Variants in PSTPIP1 observed in about 807,000 individuals in gnomAD.
PSTPIP1 encodes the protein proline-serine-threonine phosphatase-interacting protein 1.
In PSTPIP1, 66 loss-of-function variants were observed where a neutral mutation model predicts 69.6. That is an observed-to-expected ratio of 0.95 (90% CI 0.78 to 1.16). The LOEUF (loss-of-function observed/expected upper bound fraction) is 1.16. PSTPIP1 is among the 50% of genes most tolerant of loss of function. The probability of loss-of-function intolerance (pLI) is 0.00; values close to 1 mark genes in which losing one functional copy is unlikely to be tolerated. For missense variants in PSTPIP1, 603 were observed against 557.4 expected (o/e 1.08, Z -0.82); for synonymous variants, 266 against 222.7 (o/e 1.19, Z -1.73).
intron 1 of PSTPIP1, among the ~76,000 whole-genome samples, chr15:77,014,716 CT>C (rs1323058219): frequency 1.3e-5 from 2 of 152,246 alleles, no homozygotes; most frequent in African/African-American, 4.8e-5. Flanking sequence ...GTGGAGGGCC[CT>C]GGCCGGCTCA....
intron 3 of PSTPIP1, among the ~76,000 whole-genome samples, chr15:77,024,781 C>G (rs551912798): frequency 6.6e-6 from 1 of 151,414 alleles, no homozygotes; most frequent in South Asian, 2.1e-4. Flanking sequence ...CCTCTCAACT[C>G]CTGCGCCCTG....
intron 1 of PSTPIP1, among the ~76,000 whole-genome samples, chr15:76,998,209 G>A (rs2075622095): frequency 6.6e-6 from 1 of 152,188 alleles, no homozygotes; most frequent in African/African-American, 2.4e-5. Flanking sequence ...CTGTACTCTA[G>A]CCTGGGTGAC....
chr15:77,021,373 C>T lies in PSTPIP1; in HGVS notation c.212+2842C>T, dbSNP rs74423591. 9.8e-5 allele frequency among the ~76,000 whole-genome samples: 15 copies of T among 152,322 alleles called. No individual in the cohort carries two copies. The East Asian group carries it at 2.9e-3, about 29-fold the overall frequency. On this transcript the variant is annotated intron_variant, in intron 3 of 14. Transcript: ENST00000558012. ...CCAGTCCCCAAACTCCAGGGATCCC[C>T]ACCAGCGCTTTCAGTGCATTTTAAA... is the stretch of plus-strand genomic sequence containing the variant.
intron 1 of PSTPIP1, among the ~76,000 whole-genome samples, chr15:77,011,207 A>G (rs771800739): frequency 6.6e-6 from 1 of 152,268 alleles, no homozygotes; most frequent in Non-Finnish European, 1.5e-5. Context: ...GACAGACAGT[A>G]GCTGCCTCGT....
rs376276381 is a variant in PSTPIP1 at position 77,037,197 on chromosome 15, C to G, written c.*21C>G. The stretch of plus-strand genomic sequence containing the variant: ...TTTGAGGAAGGGCCAGGAGCCCCTT[C>G]GGACCTGCCCTGCCAGTGGAGCCAG... On this transcript the variant is annotated 3_prime_UTR_variant, in exon 15 of 15. Transcript: ENST00000558012. 7 of 1,573,668 alleles carry G rather than the reference C, an allele frequency of 4.4e-6. No individual in the cohort carries two copies. In the African/African-American group the frequency reaches 5.4e-5, roughly 12 times the overall value.
intron 12 of PSTPIP1, among the ~76,000 whole-genome samples, chr15:77,033,359 C>T (rs889332877): frequency 6.6e-6 from 1 of 152,188 alleles, no homozygotes; most frequent in African/African-American, 2.4e-5. Flanking sequence ...GGCCTGGCTG[C>T]AGTCAAGTGC....
chr15:77,035,557 TC>T lies in PSTPIP1; in HGVS notation c.980del (p.Ser327LeufsTer8). On this transcript the variant is annotated frameshift_variant, in exon 13 of 15. Transcript: ENST00000558012. LOFTEE classifies it high-confidence loss of function. ...GSPKTTSLAA[S>X]AASTETLTPT... ...TCCCAAGACCACTTCGTTGGCAGCTTCTGCTGGTAAAGGGGGTCAGGAGGGG... is the reference window on the plus strand; with the variant it reads ...TCCCAAGACCACTTCGTTGGCAGCTTTGCTGGTAAAGGGGGTCAGGAGGGG... 1 of 1,583,006 alleles carries T rather than the reference TC, an allele frequency of 6.3e-7. No homozygotes were observed. The highest frequency in any genetic ancestry group is 2.3e-5 in the East Asian group (1 of 43,324).
intron 1 of PSTPIP1, among the ~76,000 whole-genome samples, chr15:77,007,529 A>C (rs1228200870): frequency 6.6e-6 from 1 of 151,486 alleles, no homozygotes; most frequent in Non-Finnish European, 1.5e-5. Context: ...GGATCACTTG[A>C]GCCCAGGAGG....
chr15:76,994,886 G>T, upstream of PSTPIP1: 8 of 1,287,578 alleles, frequency 6.2e-6, no homozygotes, highest in Non-Finnish European at 8.1e-6. Context: ...GCCTGGAAGG[G>T]TGCTGGACTG....
At chr15:77,019,043 G>A (rs1018949524) in intron 3 of PSTPIP1, among the ~76,000 whole-genome samples, 3 of 152,200 alleles carry the variant, frequency 2.0e-5, no homozygotes, top group African/African-American at 7.2e-5. Flanking sequence ...GGAAAGTAAC[G>A]CAGCCCTCCT....
At chr15:77,017,872 T>C (rs372585630) in intron 1 of PSTPIP1, among the ~76,000 whole-genome samples, 2 of 152,246 alleles carry the variant, frequency 1.3e-5, no homozygotes, top group African/African-American at 4.8e-5. Context: ...TGCTGATGTG[T>C]GTCCTGTCCT....
chr15:77,031,512 T>C (rs931461326), intron 10 of PSTPIP1: 105 of 428,410 alleles, frequency 2.5e-4, no homozygotes, highest in African/African-American at 4.1e-5. Context: ...GTGGTTCCCC[T>C]GACTTCCTCC....
In PSTPIP1 at chr15:77,031,047, C is replaced by G. The variant is rs1485547660; in HGVS notation, c.643-133C>G. 5.9e-6 allele frequency: 5 copies of G among 853,844 alleles called. No individual in the cohort carries two copies. In the African/African-American group the frequency reaches 8.4e-5, roughly 14 times the overall value. The allele number at this position is 853,844 out of a possible 1,614,324, so 52.9% of individuals were successfully genotyped here. On this transcript the variant is annotated intron_variant, in intron 9 of 14. Coordinates refer to ENST00000558012, the MANE Select transcript of PSTPIP1 (RefSeq NM_003978.5). The stretch of plus-strand genomic sequence containing the variant: ...GAGTCGGGATGGGGACCCCAGGGCA[C>G]TCTCTCCTTTGGACTGGGCTTCCAG...
chr15:77,032,159 AC>A, intron 10 of PSTPIP1, 138 bp from the exon 11 acceptor site: 2 of 749,560 alleles, frequency 2.7e-6, no homozygotes, highest in Non-Finnish European at 4.4e-6. Flanking sequence ...CAGGGCCGTG[AC>A]CCCTCAGGAT....
chr15:77,018,249 G>T lies in PSTPIP1; in HGVS notation c.137+1G>T. 1 of 1,572,876 alleles carries T rather than the reference G, an allele frequency of 6.4e-7. No homozygotes were observed. The highest frequency in any genetic ancestry group is 2.3e-5 in the East Asian group (1 of 42,640). ...ACATGGAGGAGCTACTGAGGCAGAG[G>T]TGAGCTGCTGGGCAGGCCATGGGGA... On this transcript the variant is annotated splice_donor_variant, in intron 2 of 14. Coordinates refer to ENST00000558012, the MANE Select transcript of PSTPIP1 (RefSeq NM_003978.5). LOFTEE classifies it high-confidence loss of function.
chr15:77,022,977 C>A (rs1388223695), intron 3 of PSTPIP1, among the ~76,000 whole-genome samples: 1 of 152,202 alleles, frequency 6.6e-6, no homozygotes, highest in African/African-American at 2.4e-5. Context: ...CCATCACTGT[C>A]AAGACTGTCC....
chr15:77,008,349 G>A (rs182024699), intron 1 of PSTPIP1, among the ~76,000 whole-genome samples: 86 of 152,196 alleles, frequency 5.7e-4, no homozygotes, highest in East Asian at 1.9e-3. Context: ...TTTCATCCCC[G>A]TCCTCAGATA....
At chr15:76,998,204 C>A (rs1483635383) in intron 1 of PSTPIP1, among the ~76,000 whole-genome samples, 10 of 152,226 alleles carry the variant, frequency 6.6e-5, no homozygotes, top group Non-Finnish European at 1.5e-4. Context: ...TGCCACTGTA[C>A]TCTAGCCTGG....
intron 1 of PSTPIP1, among the ~76,000 whole-genome samples, chr15:76,999,205 T>A (rs910284075): frequency 6.6e-6 from 1 of 152,142 alleles, no homozygotes; most frequent in African/African-American, 2.4e-5. Context: ...GAGGACGTGT[T>A]CATAGAATAA....
Sources: gnomAD v4.1 joint callset for allele counts (sites outside exome capture counted in the v4.1 genomes callset) on GRCh38, gnomAD v4.1.1 for gene constraint, MANE v1.5 for transcripts, NCBI Gene and HGNC (gene_info 2026-07-23, HGNC 2026-07-21) for gene names.